Variants in ANKHD1 observed in about 807,000 individuals in gnomAD.
The protein encoded by ANKHD1 is ankyrin repeat and KH domain-containing protein 1.
Under a neutral mutation model 230.5 loss-of-function variants are expected in ANKHD1, and 31 were observed. The observed-to-expected ratio is 0.13, with a 90% CI of 0.10 to 0.18. The LOEUF (loss-of-function observed/expected upper bound fraction) is 0.18. ANKHD1 is among the 10% of genes least tolerant of loss of function. ANKHD1 has a pLI of 1.00. For synonymous variants in ANKHD1, 1,074 were observed against 1,117.6 expected, an observed-to-expected ratio of 0.96 and a Z score of 0.78; for missense variants, 2,256 against 3,071.3, an observed-to-expected ratio of 0.73 and a Z score of 6.27.
At chr5:140,424,882 T>C (rs1009723818) in intron 1 of ANKHD1, among the ~76,000 whole-genome samples, 6 of 152,224 alleles carry the variant, frequency 3.9e-5, no homozygotes, top group Admixed American at 2.0e-4. Flanking sequence ...CTGAAACACA[T>C]AGCTTCAGAT....
chr5:140,443,182 C>T (rs138212248), intron 5 of ANKHD1, among the ~76,000 whole-genome samples: 1,785 of 151,966 alleles, frequency 0.012, 17 homozygotes, highest in Middle Eastern at 0.017. Context: ...GGATTATAGG[C>T]GTGAGCCATC....
chr5:140,476,841 A>G (rs191147208), intron 10 of ANKHD1, among the ~76,000 whole-genome samples: 62 of 152,252 alleles, frequency 4.1e-4, no homozygotes, highest in African/African-American at 1.3e-3. Flanking sequence ...AAACCAAAGT[A>G]GTACTAAAAT....
At chr5:140,518,802 A>G (rs530207913) in intron 24 of ANKHD1, among the ~76,000 whole-genome samples, 2 of 152,332 alleles carry the variant, frequency 1.3e-5, no homozygotes, top group African/African-American at 4.8e-5. Flanking sequence ...AATAAGAGCT[A>G]TCTATGACAA....
intron 11 of ANKHD1, among the ~76,000 whole-genome samples, chr5:140,482,895 T>C (rs1751347372): frequency 6.6e-6 from 1 of 152,194 alleles, no homozygotes; most frequent in Admixed American, 6.6e-5. Context: ...AACATGTGGT[T>C]GCTCCCAACT....
chr5:140,410,028 G>A (rs1318487494), intron 1 of ANKHD1, among the ~76,000 whole-genome samples: 2 of 151,916 alleles, frequency 1.3e-5, no homozygotes, highest in Non-Finnish European at 2.9e-5. Context: ...AAGTATGAGA[G>A]GTTTTTGTTG....
At chr5:140,435,700 T>C (rs2126909354) in intron 1 of ANKHD1, among the ~76,000 whole-genome samples, 1 of 151,906 alleles carries the variant, frequency 6.6e-6, no homozygotes, top group African/African-American at 2.4e-5. Flanking sequence ...TTTTTCAGTA[T>C]TAATTTTTTT....
intron 14 of ANKHD1, among the ~76,000 whole-genome samples, chr5:140,493,054 C>T (rs914551074): frequency 6.6e-6 from 1 of 152,042 alleles, no homozygotes; most frequent in Non-Finnish European, 1.5e-5. Flanking sequence ...GATGAAATGG[C>T]GACTTTACCT....
intron 11 of ANKHD1, among the ~76,000 whole-genome samples, chr5:140,483,737 C>T (rs191074174): frequency 6.6e-6 from 1 of 152,290 alleles, no homozygotes; most frequent in East Asian, 1.9e-4. Flanking sequence ...GGATTACAGG[C>T]ATGAGCCACT....
At chr5:140,442,309 G>T (rs1157360986) in intron 5 of ANKHD1, among the ~76,000 whole-genome samples, 2 of 151,994 alleles carry the variant, frequency 1.3e-5, no homozygotes, top group Non-Finnish European at 1.5e-5. Flanking sequence ...CTCCCAAAGT[G>T]CTGGGATTAC....
chr5:140,514,187 T>TAAA (rs141993613), intron 24 of ANKHD1, among the ~76,000 whole-genome samples: 3 of 111,454 alleles, frequency 2.7e-5, no homozygotes, highest in African/African-American at 3.4e-5. Flanking sequence ...CTCTCTCTAT[T>TAAA]AAAAAAAAAA....
At chr5:140,492,077 T>G (rs1448506295) in intron 14 of ANKHD1, among the ~76,000 whole-genome samples, 1 of 152,222 alleles carries the variant, frequency 6.6e-6, no homozygotes, top group Non-Finnish European at 1.5e-5. Flanking sequence ...GAGTTGCTTT[T>G]TGGAGTAAGT....
chr5:140,535,729 C>A, intron 30 of ANKHD1, 191 bp downstream of exon 30: 2 of 850,558 alleles, frequency 2.4e-6, no homozygotes, highest in South Asian at 3.0e-5. Flanking sequence ...TTCTTTCAAG[C>A]CAAAAATGTT....
Position 140,426,169 on chromosome 5 carries a change from G to A in ANKHD1, c.307-9935G>A, listed in dbSNP as rs552489221. On this transcript the variant is annotated intron_variant, in intron 1 of 33. Coordinates refer to ENST00000360839, the MANE Select transcript of ANKHD1 (RefSeq NM_017747.3). ...TTTTGGGACAGAGTCTCGCTCTGCC[G>A]CCCAGGCTGGAGTACGGTGGCATGA... Among the ~76,000 whole-genome samples the A allele has an allele frequency of 8.5e-5, 13 of 152,210 alleles. No individual in the cohort carries two copies. In the East Asian group the frequency reaches 2.3e-3, roughly 27 times the overall value.
chr5:140,459,470 T>C, intron 9 of ANKHD1, 115 bp downstream of exon 9: 1 of 1,311,474 alleles, frequency 7.6e-7, no homozygotes, highest in Non-Finnish European at 9.9e-7. Context: ...GTTACCAGAG[T>C]GTGGGCATGA....
Position 140,458,949 on chromosome 5 carries a change from T to C in ANKHD1, c.1480+87T>C, listed in dbSNP as rs559047271. 1.5e-4 allele frequency: 3 copies of C among 20,276 alleles called. No individual in the cohort carries two copies. In the South Asian group the frequency reaches 7.6e-3, roughly 51 times the overall value. 1.3% of individuals were successfully genotyped at this position (20,276 alleles called of 1,614,324 possible). On this transcript the variant is annotated intron_variant, in intron 8 of 33. Transcript: ENST00000360839. ...GGTGAAGTTTACTACAGCTAGCATA[T>C]ATATATATATATATATATATATATA...
At chr5:140,448,864 A>G (rs1561738365) in intron 6 of ANKHD1, among the ~76,000 whole-genome samples, 1 of 152,314 alleles carries the variant, frequency 6.6e-6, no homozygotes, top group African/African-American at 2.4e-5. Context: ...TTTTTCTGGA[A>G]TATATGATGC....
intron 5 of ANKHD1, among the ~76,000 whole-genome samples, chr5:140,441,563 C>T (rs1773850087): frequency 6.6e-6 from 1 of 151,534 alleles, no homozygotes; most frequent in Admixed American, 6.6e-5. Context: ...TGAAAATTTA[C>T]AAAAAGCGTT....
intron 24 of ANKHD1, among the ~76,000 whole-genome samples, chr5:140,515,048 C>T (rs377542201): frequency 1.1e-3 from 167 of 151,544 alleles, no homozygotes; most frequent in Non-Finnish European, 1.9e-3. Flanking sequence ...GAGGCCGAGG[C>T]GGGCAGATCA....
intron 1 of ANKHD1, among the ~76,000 whole-genome samples, chr5:140,420,048 TGTA>T (rs1771848554): frequency 7.2e-6 from 1 of 139,158 alleles, no homozygotes; most frequent in African/African-American, 2.7e-5. Flanking sequence ...CAGGCTGGAA[TGTA>T]GTTGCTCCAT....
Sources: gnomAD v4.1 joint callset for allele counts (sites outside exome capture counted in the v4.1 genomes callset) on GRCh38, gnomAD v4.1.1 for gene constraint, MANE v1.5 for transcripts, NCBI Gene and HGNC (gene_info 2026-07-23, HGNC 2026-07-21) for gene names.